Variants in ST6GALNAC5 observed in about 807,000 individuals in gnomAD.
ST6GALNAC5 encodes the protein alpha-N-acetylgalactosaminide alpha-2,6-sialyltransferase 5.
Under a neutral mutation model 33.6 loss-of-function variants are expected in ST6GALNAC5, and 27 were observed. The ratio of observed to expected loss-of-function variants is 0.80; its 90% confidence interval spans 0.59 to 1.11. The LOEUF (loss-of-function observed/expected upper bound fraction) is 1.11, where lower values mean the gene tolerates loss of function less well. Among genes scored for constraint, ST6GALNAC5 ranks in the 50% least tolerant of loss-of-function variants. The pLI, the probability that ST6GALNAC5 is intolerant of heterozygous loss-of-function variation, is 0.00. For synonymous variants in ST6GALNAC5, 194 were observed against 171.2 expected, an observed-to-expected ratio of 1.13 and a Z score of -1.04; for missense variants, 428 against 454.0, an observed-to-expected ratio of 0.94 and a Z score of 0.52.
At chr1:76,963,377 G>T (rs1648326249) in intron 2 of ST6GALNAC5, among the ~76,000 whole-genome samples, 1 of 152,222 alleles carries the variant, frequency 6.6e-6, no homozygotes, top group African/African-American at 2.4e-5. Context: ...AGCAGATACA[G>T]TTCTGCCTGC....
chr1:77,050,582 C>A (rs1652186956), intron 4 of ST6GALNAC5, among the ~76,000 whole-genome samples: 2 of 152,202 alleles, frequency 1.3e-5, no homozygotes, highest in Non-Finnish European at 2.9e-5. Flanking sequence ...ATAAATCCAT[C>A]TTGTGGGCTC....
chr1:76,982,326 G>A (rs1649291447), intron 2 of ST6GALNAC5, among the ~76,000 whole-genome samples: 1 of 152,220 alleles, frequency 6.6e-6, no homozygotes, highest in South Asian at 2.1e-4. Flanking sequence ...TAAATGACCT[G>A]ATGGAGCTGA....
At chr1:77,030,617 T>G (rs866813016) in intron 2 of ST6GALNAC5, among the ~76,000 whole-genome samples, 1 of 152,276 alleles carries the variant, frequency 6.6e-6, no homozygotes, top group African/African-American at 2.4e-5. Flanking sequence ...AGTGGACAGC[T>G]GAAGCCATGA....
chr1:76,967,383 A>G (rs1648539740), intron 2 of ST6GALNAC5, among the ~76,000 whole-genome samples: 1 of 152,038 alleles, frequency 6.6e-6, no homozygotes, highest in African/African-American at 2.4e-5. Flanking sequence ...GTTTATTTGC[A>G]TAGAGGTGTT....
At chr1:77,012,723 T>C (rs1224618909) in intron 2 of ST6GALNAC5, among the ~76,000 whole-genome samples, 1 of 152,214 alleles carries the variant, frequency 6.6e-6, no homozygotes, top group Non-Finnish European at 1.5e-5. Flanking sequence ...AAAAGGGATT[T>C]ATAATAGAAC....
chr1:76,947,802 G>T (rs1340122074), intron 2 of ST6GALNAC5, among the ~76,000 whole-genome samples: 1 of 152,064 alleles, frequency 6.6e-6, no homozygotes, highest in Non-Finnish European at 1.5e-5. Flanking sequence ...AAGAGAAAAT[G>T]TGGGCATATG....
intron 2 of ST6GALNAC5, among the ~76,000 whole-genome samples, chr1:77,018,507 T>A (rs1230815361): frequency 1.3e-5 from 2 of 152,028 alleles, no homozygotes; most frequent in Admixed American, 1.3e-4. Context: ...TTTGTGCAAA[T>A]CCACACAGCC....
chr1:76,927,617 T>C (rs977476994), intron 2 of ST6GALNAC5, among the ~76,000 whole-genome samples: 1 of 152,070 alleles, frequency 6.6e-6, no homozygotes, highest in Non-Finnish European at 1.5e-5. Context: ...CACATTCAAT[T>C]TGTGTGTTTT....
At chr1:77,041,915 T>G (rs1170040678) in intron 2 of ST6GALNAC5, among the ~76,000 whole-genome samples, 1 of 152,206 alleles carries the variant, frequency 6.6e-6, no homozygotes, top group Non-Finnish European at 1.5e-5. Flanking sequence ...ACTGAATTTC[T>G]AAGAGGCAGG....
chr1:76,982,675 A>G (rs1649305685), intron 2 of ST6GALNAC5, among the ~76,000 whole-genome samples: 1 of 152,140 alleles, frequency 6.6e-6, no homozygotes, highest in Non-Finnish European at 1.5e-5. Context: ...CCACAAAGAT[A>G]TTCCTTAAGA....
chr1:77,031,988 C>T (rs984976362), intron 2 of ST6GALNAC5, among the ~76,000 whole-genome samples: 1 of 152,088 alleles, frequency 6.6e-6, no homozygotes, highest in Non-Finnish European at 1.5e-5. Context: ...GAAAGTGATG[C>T]TTTGAATGGG....
intron 2 of ST6GALNAC5, among the ~76,000 whole-genome samples, chr1:76,895,709 G>A (rs944410788): frequency 2.6e-5 from 4 of 152,202 alleles, no homozygotes; most frequent in Non-Finnish European, 5.9e-5. Context: ...TAAACTGGCA[G>A]TGTAAACAAG....
At chr1:77,029,972 G>A (rs1651392242) in intron 2 of ST6GALNAC5, among the ~76,000 whole-genome samples, 1 of 152,186 alleles carries the variant, frequency 6.6e-6, no homozygotes, top group African/African-American at 2.4e-5. Context: ...TTGTATACCA[G>A]CAGCTTTTGA....
chr1:76,973,733 TA>T (rs1296737452), intron 2 of ST6GALNAC5, among the ~76,000 whole-genome samples: 2 of 152,310 alleles, frequency 1.3e-5, no homozygotes, highest in East Asian at 3.9e-4. Flanking sequence ...ATTTCATTTT[TA>T]ATAGGTATAT....
intron 2 of ST6GALNAC5, among the ~76,000 whole-genome samples, chr1:77,009,570 T>A (rs1000756604): frequency 6.6e-6 from 1 of 152,102 alleles, no homozygotes; most frequent in African/African-American, 2.4e-5. Flanking sequence ...CTGAGTTACA[T>A]GAGCGACATC....
intron 2 of ST6GALNAC5, among the ~76,000 whole-genome samples, chr1:76,928,272 CA>C (rs1377787615): frequency 6.6e-6 from 1 of 152,112 alleles, no homozygotes; most frequent in Non-Finnish European, 1.5e-5. Flanking sequence ...TTGAATACTG[CA>C]CTTGTATTTT....
At chr1:77,019,134 A>T (rs1022650074) in intron 2 of ST6GALNAC5, among the ~76,000 whole-genome samples, 1 of 152,220 alleles carries the variant, frequency 6.6e-6, no homozygotes, top group African/African-American at 2.4e-5. Context: ...ATGCCAGGGC[A>T]GGGGGGAGAT....
intron 2 of ST6GALNAC5, among the ~76,000 whole-genome samples, chr1:76,903,597 A>C (rs1267229946): frequency 6.6e-6 from 1 of 152,194 alleles, no homozygotes; most frequent in Admixed American, 6.5e-5. Context: ...ATTATTCATA[A>C]CAGCATTATT....
intron 2 of ST6GALNAC5, among the ~76,000 whole-genome samples, chr1:77,007,197 T>G (rs896943106): frequency 5.3e-5 from 8 of 152,166 alleles, no homozygotes; most frequent in African/African-American, 1.9e-4. Context: ...CACCACAACT[T>G]AACTGCTTGA....
Sources: gnomAD v4.1 joint callset for allele counts (sites outside exome capture counted in the v4.1 genomes callset) on GRCh38, gnomAD v4.1.1 for gene constraint, MANE v1.5 for transcripts, NCBI Gene and HGNC (gene_info 2026-07-23, HGNC 2026-07-21) for gene names.